The following PARD3B variants were observed in gnomAD, a reference collection of about 807,000 sequenced individuals.
PARD3B encodes the protein partitioning defective 3 homolog B.
A neutral mutation model predicts 130.2 loss-of-function variants in PARD3B; 103 were observed. That is an observed-to-expected ratio of 0.79 (90% CI 0.67 to 0.93). PARD3B has a LOEUF of 0.93. Ranked by LOEUF, PARD3B falls within the 40% of genes least tolerant of loss-of-function variation. The pLI, the probability that PARD3B is intolerant of heterozygous loss-of-function variation, is 0.00. For missense variants in PARD3B, 1,609 were observed against 1,499.2 expected (o/e 1.07, Z -1.21); for synonymous variants, 583 against 553.2 (o/e 1.05, Z -0.76).
chr2:204,762,765 T>A (rs531765993), intron 2 of PARD3B, among the ~76,000 whole-genome samples: 2,467 of 149,082 alleles, frequency 0.017, 60 homozygotes, highest in African/African-American at 0.055. Flanking sequence ...CTTTTTCTTT[T>A]TTTTTTTTTT....
chr2:205,416,867 A>G (rs1184410337), intron 19 of PARD3B, among the ~76,000 whole-genome samples: 5 of 152,126 alleles, frequency 3.3e-5, no homozygotes, highest in African/African-American at 1.2e-4. Flanking sequence ...ACATCTAAAA[A>G]TATATTCTGT....
At chr2:205,113,700 G>A (rs1703819137) in intron 6 of PARD3B, 123 bp downstream of exon 6, 1 of 631,500 alleles carries the variant, frequency 1.6e-6, no homozygotes, top group Non-Finnish European at 2.6e-6. Context: ...GATACCTCAA[G>A]ACATACTTCT....
rs537082367 is a variant in PARD3B at position 204,677,908 on chromosome 2, A to G, written c.121-8273A>G. Among the ~76,000 whole-genome samples, 13 of 152,300 alleles carry G rather than the reference A, an allele frequency of 8.5e-5. No homozygotes were observed. The highest frequency in any genetic ancestry group is 3.1e-4 in the African/African-American group (13 of 41,568). ...TCTGAGGAAACTAGACTTACTCTGAACAGCTTTTTGGTGGTCTTCATTTGT... is the reference window on the plus strand; with the variant it reads ...TCTGAGGAAACTAGACTTACTCTGAGCAGCTTTTTGGTGGTCTTCATTTGT... On this transcript the variant is annotated intron_variant, in intron 1 of 22. Coordinates refer to ENST00000406610, the MANE Select transcript of PARD3B (RefSeq NM_001302769.2). The surrounding 1 kb of genome is among the most constrained non-coding windows in gnomAD (Gnocchi z 4.1).
At chr2:205,136,597 C>G (rs2032504187) in intron 10 of PARD3B, among the ~76,000 whole-genome samples, 2 of 152,208 alleles carry the variant, frequency 1.3e-5, no homozygotes, top group African/African-American at 4.8e-5. Flanking sequence ...TTTCACCCTT[C>G]TCTCCTTCCC....
At position 205,550,218 on chromosome 2, in the gene PARD3B, G is replaced by A. The variant is rs540684220; in HGVS notation, c.3181-3106G>A. ...CATCCATATTCAGGTTTGAGATGACGCTTCAACACCCGTATGACGCTGTCT... is the reference window on the plus strand; with the variant it reads ...CATCCATATTCAGGTTTGAGATGACACTTCAACACCCGTATGACGCTGTCT... On this transcript the variant is annotated intron_variant, in intron 21 of 22. Coordinates refer to ENST00000406610, the MANE Select transcript of PARD3B (RefSeq NM_001302769.2). The surrounding 1 kb of genome is among the most constrained non-coding windows in gnomAD (Gnocchi z 4.5). Among the ~76,000 whole-genome samples, 5 of 152,092 alleles carry A rather than the reference G, an allele frequency of 3.3e-5. No individual in the cohort carries two copies. Among genetic ancestry groups the A allele is most frequent in the African/African-American group, 4.8e-5 (2 of 41,404 alleles).
At chr2:205,111,449 G>A (rs569592343) in intron 5 of PARD3B, among the ~76,000 whole-genome samples, 3 of 152,010 alleles carry the variant, frequency 2.0e-5, no homozygotes, top group Admixed American at 6.5e-5. Flanking sequence ...ACTTAAAAAT[G>A]TTTGGCTTTC....
intron 15 of PARD3B, among the ~76,000 whole-genome samples, chr2:205,238,559 C>T (rs145452099): frequency 0.071 from 10,761 of 151,858 alleles, 492 homozygotes; most frequent in Middle Eastern, 0.21. Flanking sequence ...GGGCTGGGTG[C>T]GGTGGCTTAC....
At chr2:204,614,230 G>A (rs1031903905) in intron 1 of PARD3B, among the ~76,000 whole-genome samples, 7 of 152,094 alleles carry the variant, frequency 4.6e-5, no homozygotes, top group African/African-American at 1.7e-4. Context: ...GCTACAGTAA[G>A]TTTAAAAACG....
At chr2:204,950,976 G>A (rs551085519) in intron 2 of PARD3B, among the ~76,000 whole-genome samples, 1 of 152,276 alleles carries the variant, frequency 6.6e-6, no homozygotes, top group Admixed American at 6.5e-5. Flanking sequence ...AACCTACTAA[G>A]GGGACTAGAG....
chr2:204,911,222 T>C (rs1475858055), intron 2 of PARD3B, among the ~76,000 whole-genome samples: 1 of 152,186 alleles, frequency 6.6e-6, no homozygotes. Context: ...AGACAGCTGT[T>C]TCCAGTTGTG....
chr2:204,819,216 C>A (rs1347696215), intron 2 of PARD3B, among the ~76,000 whole-genome samples: 1 of 152,230 alleles, frequency 6.6e-6, no homozygotes, highest in Non-Finnish European at 1.5e-5. Flanking sequence ...CTGTCTCAAG[C>A]AAGCCTGTCA....
In PARD3B at chr2:205,440,348, C is replaced by G; in HGVS notation, c.2742-22C>G. 6.2e-7 allele frequency: 1 copy of G among 1,606,888 alleles called. No homozygotes were observed. On this transcript the variant is annotated intron_variant, in intron 19 of 22. Coordinates refer to ENST00000406610, the MANE Select transcript of PARD3B (RefSeq NM_001302769.2). The surrounding 1 kb of genome is among the most constrained non-coding windows in gnomAD (Gnocchi z 4.2). ...TATATGAAACTCACATACATCTTTG[C>G]TACCTGTACTGTATTTTTCAGGATT...
At chr2:204,961,790 G>A (rs1176936396) in intron 2 of PARD3B, among the ~76,000 whole-genome samples, 1 of 152,140 alleles carries the variant, frequency 6.6e-6, no homozygotes, top group Non-Finnish European at 1.5e-5. Flanking sequence ...GTAATCACCT[G>A]TGTCCTGAAG....
chr2:205,355,130 T>A (rs1574788306), intron 18 of PARD3B, among the ~76,000 whole-genome samples: 1 of 152,170 alleles, frequency 6.6e-6, no homozygotes, highest in East Asian at 1.9e-4. Context: ...CCCATAGAAG[T>A]GCTCACCATT....
chr2:205,215,303 T>A lies in PARD3B; in HGVS notation c.2140+21983T>A, dbSNP rs188188259. 1.8e-4 allele frequency among the ~76,000 whole-genome samples: 27 copies of A among 151,832 alleles called. No homozygotes were observed. In the East Asian group the frequency reaches 5.2e-3, roughly 29 times the overall value. On this transcript the variant is annotated intron_variant, in intron 15 of 22. Transcript: ENST00000406610. ...CTTTTTTTTTTTTAATTCAGCAACA[T>A]CCTGTAAAGTTACTTGATTTGGAAA...
chr2:204,640,220 C>T (rs2035026872), intron 1 of PARD3B, among the ~76,000 whole-genome samples: 1 of 152,142 alleles, frequency 6.6e-6, no homozygotes, highest in Admixed American at 6.5e-5. Flanking sequence ...CGCACCACTG[C>T]ATTGCAACCT....
intron 16 of PARD3B, among the ~76,000 whole-genome samples, chr2:205,279,093 A>AAAAG (rs1007864802): frequency 6.6e-6 from 1 of 151,128 alleles, no homozygotes; most frequent in African/African-American, 2.4e-5. Context: ...AAAAAAAAAA[A>AAAAG]AAACAGTTGT....
chr2:205,471,161 C>A (rs1446381897), intron 20 of PARD3B, among the ~76,000 whole-genome samples: 2 of 152,092 alleles, frequency 1.3e-5, no homozygotes, highest in Non-Finnish European at 2.9e-5. Context: ...AAGTCTTGGG[C>A]ACAGTTTCCT....
chr2:204,555,433 C>G (rs772073196), intron 1 of PARD3B, among the ~76,000 whole-genome samples: 5 of 152,100 alleles, frequency 3.3e-5, no homozygotes, highest in African/African-American at 4.8e-5. Flanking sequence ...TGGCACACAC[C>G]TGTAATCCCA....
Sources: allele counts gnomAD v4.1 joint callset (sites outside exome capture counted in the v4.1 genomes callset), GRCh38; gene constraint gnomAD v4.1.1; non-coding constraint Gnocchi (gnomAD v3.1); transcripts MANE v1.5; gene names NCBI Gene and HGNC (gene_info 2026-07-23, HGNC 2026-07-21).